Variants in ZMAT4 observed in about 807,000 individuals in gnomAD.
The protein encoded by ZMAT4 is zinc finger matrin-type 4.
ZMAT4 carries 17 observed loss-of-function variants against 28.7 expected under a neutral mutation model. The ratio of observed to expected loss-of-function variants is 0.59; its 90% CI spans 0.41 to 0.89. The LOEUF is 0.89. Among genes scored for constraint, ZMAT4 ranks in the 40% least tolerant of loss-of-function variants. The probability of loss-of-function intolerance (pLI) is 0.00; values close to 1 mark genes in which losing one functional copy is unlikely to be tolerated. For synonymous variants in ZMAT4, 117 were observed against 109.2 expected (o/e 1.07, Z -0.44); for missense variants, 240 against 283.8 (o/e 0.85, Z 1.11).
At chr8:40,699,610 A>G (rs1810044015) in intron 3 of ZMAT4, among the ~76,000 whole-genome samples, 1 of 152,044 alleles carries the variant, frequency 6.6e-6, no homozygotes, top group Admixed American at 6.6e-5. Flanking sequence ...ACACACACAC[A>G]CACACACACA....
intron 1 of ZMAT4, among the ~76,000 whole-genome samples, chr8:40,838,296 G>A (rs1386181776): frequency 6.6e-6 from 1 of 152,184 alleles, no homozygotes; most frequent in Non-Finnish European, 1.5e-5. Flanking sequence ...CCTGGCTCTG[G>A]GGAAAGCACG....
At chr8:40,791,944 C>G (rs1007729298) in intron 2 of ZMAT4, among the ~76,000 whole-genome samples, 3 of 152,126 alleles carry the variant, frequency 2.0e-5, no homozygotes, top group Non-Finnish European at 4.4e-5. Flanking sequence ...AACTCCATGT[C>G]CGGGTGGGTT....
intron 3 of ZMAT4, among the ~76,000 whole-genome samples, chr8:40,760,562 G>T (rs553912720): frequency 6.6e-6 from 1 of 152,292 alleles, no homozygotes; most frequent in South Asian, 2.1e-4. Context: ...TGCAATGAAA[G>T]AAGTCAGAAA....
intron 5 of ZMAT4, among the ~76,000 whole-genome samples, chr8:40,632,624 T>G (rs1169426789): frequency 6.6e-6 from 1 of 152,100 alleles, no homozygotes; most frequent in Non-Finnish European, 1.5e-5. Context: ...TTTGTAGCTG[T>G]GAGCCAAGGA....
chr8:40,871,262 G>C (rs1250817934), intron 1 of ZMAT4, among the ~76,000 whole-genome samples: 1 of 152,116 alleles, frequency 6.6e-6, no homozygotes, highest in African/African-American at 2.4e-5. Context: ...GAGAAGATTA[G>C]TACAATTCTA....
At chr8:40,870,080 G>GA (rs1224786628) in intron 1 of ZMAT4, among the ~76,000 whole-genome samples, 1 of 152,178 alleles carries the variant, frequency 6.6e-6, no homozygotes, top group Non-Finnish European at 1.5e-5. Context: ...GAGTAGCTCT[G>GA]AAAAGATGTC....
At chr8:40,599,234 T>A (rs1805211782) in intron 5 of ZMAT4, among the ~76,000 whole-genome samples, 1 of 152,190 alleles carries the variant, frequency 6.6e-6, no homozygotes, top group African/African-American at 2.4e-5. Flanking sequence ...ATAAGAAATG[T>A]CTGATTCATT....
chr8:40,840,937 C>A (rs1198225628), intron 1 of ZMAT4, among the ~76,000 whole-genome samples: 1 of 152,160 alleles, frequency 6.6e-6, no homozygotes, highest in Non-Finnish European at 1.5e-5. Flanking sequence ...TTTCTTCCCA[C>A]ACAGCCATTC....
In ZMAT4 at chr8:40,697,328, A is replaced by C; in HGVS notation, c.266T>G (p.Val89Gly). Residue 89 changes from valine to glycine, a missense_variant, in exon 4 of 7, where the codon GTG (valine) becomes GGG (glycine). Val to Gly is a moderately radical substitution (Grantham distance 109, BLOSUM62 -3). Transcript: ENST00000297737. The part of the protein sequence containing the change: ...LCNMSFTSAV[V>G]ADSHYQGKIH... ...TTTGCCTTGATAATGGGAATCGGCC[A>C]CCACCGCTGAAGTGAATGACATGTT... 1 of 1,613,914 alleles carries C rather than the reference A, an allele frequency of 6.2e-7. No homozygotes were observed.
intron 5 of ZMAT4, among the ~76,000 whole-genome samples, chr8:40,664,314 A>G (rs1808315345): frequency 6.6e-6 from 1 of 152,188 alleles, no homozygotes; most frequent in Non-Finnish European, 1.5e-5. Flanking sequence ...GCCTCTCACC[A>G]ATAAGCCAGG....
chr8:40,532,276 A>G, intron 6 of ZMAT4, 38 bp from the exon 7 acceptor site: 4 of 1,560,034 alleles, frequency 2.6e-6, no homozygotes, highest in Non-Finnish European at 3.5e-6. Flanking sequence ...ACCTTCTTTC[A>G]TAATTACAAA....
intron 2 of ZMAT4, among the ~76,000 whole-genome samples, chr8:40,807,258 A>G (rs780013727): frequency 6.6e-6 from 1 of 152,010 alleles, no homozygotes; most frequent in Non-Finnish European, 1.5e-5. Context: ...CTTGGTCAAC[A>G]TGGCAAAACC....
chr8:40,796,233 C>T (rs536038779), intron 2 of ZMAT4, among the ~76,000 whole-genome samples: 1 of 152,328 alleles, frequency 6.6e-6, no homozygotes, highest in African/African-American at 2.4e-5. Context: ...CAAGAGGCTC[C>T]CCAGGGAGAG....
intron 3 of ZMAT4, among the ~76,000 whole-genome samples, chr8:40,705,160 G>A (rs1362121971): frequency 6.6e-6 from 1 of 152,182 alleles, no homozygotes; most frequent in Non-Finnish European, 1.5e-5. Flanking sequence ...TTTGGAATTT[G>A]GATGGCTTTA....
intron 1 of ZMAT4, among the ~76,000 whole-genome samples, chr8:40,877,705 G>A (rs1220517055): frequency 2.0e-5 from 3 of 152,078 alleles, no homozygotes; most frequent in Non-Finnish European, 4.4e-5. Flanking sequence ...TGTGTAGAGG[G>A]AAACAGAGAC....
chr8:40,748,626 A>G (rs886152480), intron 3 of ZMAT4, among the ~76,000 whole-genome samples: 2 of 152,222 alleles, frequency 1.3e-5, no homozygotes, highest in South Asian at 2.1e-4. Context: ...GCAAATGCCA[A>G]CACCATATTT....
intron 1 of ZMAT4, among the ~76,000 whole-genome samples, chr8:40,845,745 T>A (rs1586157948): frequency 1.4e-5 from 2 of 144,272 alleles, no homozygotes; most frequent in Admixed American, 1.4e-4. Flanking sequence ...ATGAAATGTT[T>A]CAACCTCACT....
chr8:40,538,091 G>A (rs1044780361), intron 6 of ZMAT4, among the ~76,000 whole-genome samples: 3 of 152,080 alleles, frequency 2.0e-5, no homozygotes, highest in African/African-American at 4.8e-5. Flanking sequence ...AATAGGAGTC[G>A]GACTTGCCTC....
chr8:40,532,348 C>A, intron 6 of ZMAT4, 110 bp from the exon 7 acceptor site: 4 of 850,172 alleles, frequency 4.7e-6, no homozygotes, highest in Admixed American at 3.3e-5. Flanking sequence ...ATTACCTTAA[C>A]CATCAAATTC....
Sources: allele counts gnomAD v4.1 joint callset (sites outside exome capture counted in the v4.1 genomes callset), GRCh38; gene constraint gnomAD v4.1.1; transcripts MANE v1.5; gene names NCBI Gene and HGNC (gene_info 2026-07-23, HGNC 2026-07-21).